The following ITIH3 variants were observed in gnomAD, a reference collection of about 807,000 sequenced individuals.
ITIH3 encodes the protein inter-alpha-trypsin inhibitor heavy chain H3.
In ITIH3, 81 loss-of-function variants were observed where a neutral mutation model predicts 96.5. The ratio of observed to expected loss-of-function variants is 0.84; its 90% confidence interval spans 0.70 to 1.01. The LOEUF (loss-of-function observed/expected upper bound fraction) is 1.01, where lower values mean the gene tolerates loss of function less well. Among genes scored for constraint, ITIH3 ranks in the 50% least tolerant of loss-of-function variants. ITIH3 has a pLI of 0.00. For synonymous variants in ITIH3, 422 were observed against 445.2 expected (o/e 0.95, Z 0.66); for missense variants, 1,057 against 1,139.3 (o/e 0.93, Z 1.04).
chr3:52,803,737 G>T, intron 13 of ITIH3, 118 bp from the exon 14 acceptor site: 1 of 1,144,916 alleles, frequency 8.7e-7, no homozygotes. Flanking sequence ...TACCCTGGGG[G>T]ACCCCACAAT....
chr3:52,802,935 C>A, intron 13 of ITIH3, 129 bp downstream of exon 13: 1 of 1,083,546 alleles, frequency 9.2e-7, no homozygotes, highest in Non-Finnish European at 1.3e-6. Flanking sequence ...GTAGAGCAGT[C>A]TGTAAGGAAC....
chr3:52,806,531 A>C, intron 18 of ITIH3, 125 bp downstream of exon 18: 1 of 722,620 alleles, frequency 1.4e-6, no homozygotes, highest in Non-Finnish European at 2.2e-6. Flanking sequence ...CATGCAAAGA[A>C]ACCCCTGGGG....
intron 13 of ITIH3, 127 bp downstream of exon 13, chr3:52,802,933 G>A: frequency 8.9e-7 from 1 of 1,120,410 alleles, no homozygotes; most frequent in East Asian, 2.6e-5. Context: ...CTGTAGAGCA[G>A]TCTGTAAGGA....
chr3:52,796,244 T>A (rs1044146320), intron 2 of ITIH3, among the ~76,000 whole-genome samples: 2 of 152,048 alleles, frequency 1.3e-5, no homozygotes, highest in African/African-American at 4.8e-5. Context: ...GCTGCAGTGG[T>A]GTGTAAACGG....
chr3:52,795,041 C>T (rs911035383), intron 1 of ITIH3, 145 bp downstream of exon 1: 29 of 692,588 alleles, frequency 4.2e-5, no homozygotes, highest in Admixed American at 1.2e-4. Flanking sequence ...CTGGGAGAAC[C>T]GGGCTCCAGC....
intron 9 of ITIH3, 121 bp downstream of exon 9, chr3:52,800,042 G>T (rs984494265): frequency 1.2e-5 from 11 of 922,874 alleles, no homozygotes; most frequent in Non-Finnish European, 9.7e-6. Context: ...CTGAGCTGGG[G>T]TAGAGGTGGG....
intron 7 of ITIH3, 47 bp downstream of exon 7, chr3:52,799,138 C>A (rs781739149): frequency 1.9e-6 from 3 of 1,602,054 alleles, no homozygotes; most frequent in South Asian, 1.1e-5. Context: ...GAGGGCTGGT[C>A]GGGCGGGGGC....
Position 52,806,398 on chromosome 3 carries a change from C to G in ITIH3, c.2048C>G (p.Ala683Gly). The G allele has an allele frequency of 6.2e-7, 1 of 1,612,074 alleles. No individual in the cohort carries two copies. Among genetic ancestry groups the G allele is most frequent in the Non-Finnish European group, 8.5e-7 (1 of 1,178,702 alleles). Residue 683 changes from alanine (A) to glycine (G), a missense_variant, in exon 18 of 22, where the codon GCA (alanine) becomes GGA (glycine). Physicochemically the swap from Ala to Gly is moderately conservative, Grantham distance 60. Coordinates refer to ENST00000449956, the MANE Select transcript of ITIH3 (RefSeq NM_002217.4). ...PGTVLRLIQDAVTGLTVNGQI... is the reference protein window; with the variant it reads ...PGTVLRLIQDGVTGLTVNGQI... ...ACAGTGCTGCGCCTTATTCAGGATG[C>G]AGTCACAGGTGAGGCTTGTGGGCTA...
chr3:52,805,706 G>C, intron 15 of ITIH3, 102 bp from the exon 16 acceptor site: 2 of 1,562,882 alleles, frequency 1.3e-6, no homozygotes, highest in Non-Finnish European at 1.7e-6. Flanking sequence ...GCCAGTGTTG[G>C]GGCCCCTCTG....
Position 52,800,950 on chromosome 3 carries a change from C to T in ITIH3, c.1202-15C>T. 1 of 1,613,922 alleles carries T rather than the reference C, an allele frequency of 6.2e-7. No homozygotes were observed. Among genetic ancestry groups the T allele is most frequent in the South Asian group, 1.1e-5 (1 of 91,064 alleles). On this transcript the variant is annotated splice_polypyrimidine_tract_variant and intron_variant, in intron 10 of 21. Transcript: ENST00000449956. ...AGGGCTGGGGCTGGACTGTGAACAC[C>T]CCCTTCTCCAACAGGTGAGAGCAGA...
At chr3:52,796,890 G>C (rs1351612728) in intron 4 of ITIH3, 47 bp downstream of exon 4, 1 of 1,320,458 alleles carries the variant, frequency 7.6e-7, no homozygotes, top group South Asian at 1.4e-5. Context: ...GGGATCCAAG[G>C]GCCTTCAGGG....
chr3:52,800,469 C>T lies in ITIH3; in HGVS notation c.1076-69C>T, dbSNP rs1286405160. 15 of 1,536,968 alleles carry T rather than the reference C, an allele frequency of 9.8e-6. No homozygotes were observed. In the East Asian group the frequency reaches 1.7e-4, roughly 18 times the overall value. ...TGGGGCCGGCTGTCCCGGCCTCCTC[C>T]GCTCCAGCCTGTCTGCACACTGGCA... On this transcript the variant is annotated intron_variant, in intron 9 of 21. Coordinates refer to ENST00000449956, the MANE Select transcript of ITIH3 (RefSeq NM_002217.4).
chr3:52,795,512 C>A, intron 1 of ITIH3, 91 bp from the exon 2 acceptor site: 1 of 1,419,482 alleles, frequency 7.0e-7, no homozygotes, highest in Non-Finnish European at 9.7e-7. Flanking sequence ...CCACTGAACC[C>A]CTGGTCTCAG....
Position 52,797,185 on chromosome 3 carries a change from A to G in ITIH3, c.467A>G (p.Tyr156Cys), listed in dbSNP as rs950147216. 2 of 1,609,080 alleles carry G rather than the reference A, an allele frequency of 1.2e-6. No homozygotes were observed. The highest frequency in any genetic ancestry group is 1.7e-6 in the Non-Finnish European group (2 of 1,177,940). Reference protein sequence around the residue: ...AGSKVTFELTYEELLKRHKGK... With the variant: ...AGSKVTFELTCEELLKRHKGK... ...AGCAAAGTCACCTTCGAGCTAACCT[A>G]CGAGGAGCTGCTGAAGAGGCACAAG... The change falls in exon 5 of 22, where the codon TAC becomes TGC. Residue 156 changes from tyrosine to cysteine, a missense_variant. By Grantham distance (194) the Tyr-to-Cys change is radical. Coordinates refer to ENST00000449956, the MANE Select transcript of ITIH3 (RefSeq NM_002217.4).
Position 52,802,502 on chromosome 3 carries a change from G to C in ITIH3, c.1552G>C (p.Asp518His), listed in dbSNP as rs1699874544. Residue 518 changes from aspartate to histidine, a missense_variant, in exon 12 of 22, where the codon GAT becomes CAT. Asp to His is a moderately conservative substitution (Grantham distance 81). Transcript: ENST00000449956. Reference protein sequence around the residue: ...VDEDMNSFKADVKGHGATNDL... With the variant: ...VDEDMNSFKAHVKGHGATNDL... ...CGAGGACATGAACAGCTTTAAGGCA[G>C]ATGTGAAGGGCCATGGGGTGAGTGG... 6.2e-7 allele frequency: 1 copy of C among 1,613,778 alleles called. No homozygotes were observed. The highest frequency in any genetic ancestry group is 1.7e-5 in the Admixed American group (1 of 59,996).
chr3:52,807,652 A>C (rs530210316), intron 19 of ITIH3, 95 bp from the exon 20 acceptor site: 4 of 1,177,192 alleles, frequency 3.4e-6, no homozygotes, highest in East Asian at 5.1e-5. Flanking sequence ...CTCGGGTGCC[A>C]TGTACAGGGG....
intron 16 of ITIH3, 77 bp downstream of exon 16, chr3:52,805,917 A>G: frequency 3.8e-6 from 6 of 1,576,878 alleles, no homozygotes; most frequent in Non-Finnish European, 4.3e-6. Context: ...CACCGTGGCT[A>G]CTCACTCAGC....
chr3:52,797,771 G>A (rs1295612721), intron 5 of ITIH3, 46 bp from the exon 6 acceptor site: 6 of 1,236,610 alleles, frequency 4.9e-6, no homozygotes, highest in Non-Finnish European at 7.0e-6. Flanking sequence ...CTGGGAACTG[G>A]CCTCTGAGGT....
chr3:52,807,342 G>T (rs1051651673), intron 19 of ITIH3, among the ~76,000 whole-genome samples: 1 of 152,162 alleles, frequency 6.6e-6, no homozygotes, highest in South Asian at 2.1e-4. Context: ...TTGGGTGAAG[G>T]CATTAGGTGA....
Sources: allele counts gnomAD v4.1 joint callset (sites outside exome capture counted in the v4.1 genomes callset), GRCh38; gene constraint gnomAD v4.1.1; transcripts MANE v1.5; gene names NCBI Gene and HGNC (gene_info 2026-07-23, HGNC 2026-07-21).